The following ZEB2 variants were observed in gnomAD, a reference collection of about 807,000 sequenced individuals.
The protein encoded by ZEB2 is zinc finger E-box binding homeobox 2, also known as zinc finger E-box-binding homeobox 2.
In ZEB2, 6 loss-of-function variants were observed where a neutral mutation model predicts 99.9. The ratio of observed to expected loss-of-function variants is 0.06; its 90% CI spans 0.03 to 0.12. ZEB2 has a LOEUF of 0.12. ZEB2 is among the 10% of genes least tolerant of loss of function. The probability of loss-of-function intolerance (pLI) is 1.00; values close to 1 mark genes in which losing one functional copy is unlikely to be tolerated. For missense variants in ZEB2, 969 were observed against 1,502.8 expected, an observed-to-expected ratio of 0.64 and a Z score of 5.87; for synonymous variants, 517 against 542.5, an observed-to-expected ratio of 0.95 and a Z score of 0.65.
intron 4 of ZEB2, among the ~76,000 whole-genome samples, chr2:144,411,067 A>C (rs1703454553): frequency 1.0e-5 from 1 of 98,954 alleles, no homozygotes; most frequent in Non-Finnish European, 2.1e-5. Context: ...CTATATATAT[A>C]TATATATATA....
intron 5 of ZEB2, 143 bp downstream of exon 5, chr2:144,404,693 C>T: frequency 1.8e-6 from 2 of 1,116,720 alleles, no homozygotes; most frequent in Non-Finnish European, 1.2e-6. Context: ...CCTAAAATTA[C>T]AGTTCTAATC....
At chr2:144,467,399 C>G (rs1384986701) in intron 2 of ZEB2, among the ~76,000 whole-genome samples, 1 of 152,082 alleles carries the variant, frequency 6.6e-6, no homozygotes, top group African/African-American at 2.4e-5. Flanking sequence ...TCACTTATAG[C>G]AATGATTCTT....
chr2:144,397,518 TAAG>T (rs1703245120), intron 8 of ZEB2, among the ~76,000 whole-genome samples: 1 of 152,236 alleles, frequency 6.6e-6, no homozygotes, highest in African/African-American at 2.4e-5. Flanking sequence ...GAAGATTTGG[TAAG>T]AAGTCATGTG....
At chr2:144,433,322 A>C (rs1703797646) in intron 2 of ZEB2, among the ~76,000 whole-genome samples, 5 of 152,200 alleles carry the variant, frequency 3.3e-5, no homozygotes. Flanking sequence ...ATTCTGTGTA[A>C]CAGTTGCATT....
rs929724137 is a variant in ZEB2, at chr2:144,512,095, T to A, written c.73+5183A>T. 3 of 1,287,066 alleles carry A rather than the reference T, an allele frequency of 2.3e-6. No homozygotes were observed. The African/African-American group carries it at 4.6e-5, about 20-fold the overall frequency. The allele number at this position is 1,287,066 out of a possible 1,614,324, so 79.7% of individuals were successfully genotyped here. A position where few individuals can be genotyped will look rare whatever the true frequency, so the allele number is the denominator to read the frequency against. ...GGGAATGCGGGAATGAATGGTACAG[T>A]GGACACCCCAGCACCATTGACGTTA... On this transcript the variant is annotated intron_variant, in intron 2 of 9. Coordinates refer to ENST00000627532, the MANE Select transcript of ZEB2 (RefSeq NM_014795.4).
At chr2:144,400,444 C>T (rs926256714) in intron 7 of ZEB2, 174 bp from the exon 8 acceptor site, 11 of 719,662 alleles carry the variant, frequency 1.5e-5, no homozygotes, top group Non-Finnish European at 2.5e-5. Context: ...CTTTATCTGC[C>T]CTGGGAGGAC....
Position 144,389,289 on chromosome 2 carries a change from A to C in ZEB2, c.*162T>G. On this transcript the variant is annotated 3_prime_UTR_variant, in exon 10 of 10. Transcript: ENST00000627532. This position sits in a 1 kb window ranked among gnomAD's most constrained non-coding sequence, Gnocchi z 6.8. ...CAGTTTTTAACAATACCCAGCTCCA[A>C]CTCCGTCTACATCTGTCTTGGCTGA... 1.2e-6 allele frequency: 1 copy of C among 832,402 alleles called. No individual in the cohort carries two copies. The highest frequency in any genetic ancestry group is 2.4e-4 in the Middle Eastern group (1 of 4,086). 51.6% of individuals were successfully genotyped at this position (832,402 alleles called of 1,614,324 possible).
intron 2 of ZEB2, among the ~76,000 whole-genome samples, chr2:144,449,224 G>A (rs574346243): frequency 6.6e-6 from 1 of 152,340 alleles, no homozygotes; most frequent in South Asian, 2.1e-4. Context: ...CCTCAGAAGG[G>A]AGCAGGCGGG....
intron 4 of ZEB2, among the ~76,000 whole-genome samples, chr2:144,407,896 G>T (rs1426623763): frequency 6.6e-6 from 1 of 152,112 alleles, no homozygotes; most frequent in African/African-American, 2.4e-5. Context: ...GAATGATCTG[G>T]CTATCTTTGC....
chr2:144,484,903 T>C (rs2149916110), intron 2 of ZEB2, among the ~76,000 whole-genome samples: 1 of 150,494 alleles, frequency 6.6e-6, no homozygotes, highest in South Asian at 2.1e-4. Flanking sequence ...GAACGTGGAG[T>C]TCAGAACATG....
intron 3 of ZEB2, chr2:144,428,988 G>C (rs749760791): frequency 3.9e-5 from 6 of 152,190 alleles, no homozygotes; most frequent in Non-Finnish European, 5.9e-5. Context: ...GATGAGCAGA[G>C]AAAGTTCACA....
chr2:144,510,578 A>C (rs1560656283), intron 2 of ZEB2, among the ~76,000 whole-genome samples: 1 of 152,158 alleles, frequency 6.6e-6, no homozygotes, highest in Admixed American at 6.5e-5. Context: ...TATGCCTGTC[A>C]GGAGGGACAG....
chr2:144,496,406 C>A (rs1704758687), intron 2 of ZEB2: 1 of 152,238 alleles, frequency 6.6e-6, no homozygotes, highest in East Asian at 1.9e-4. Flanking sequence ...GATCAACAAC[C>A]ATTTTTTATT....
chr2:144,400,889 G>A (rs1703301164), intron 7 of ZEB2, among the ~76,000 whole-genome samples: 1 of 152,122 alleles, frequency 6.6e-6, no homozygotes, highest in African/African-American at 2.4e-5. Context: ...TGCCAGTTGA[G>A]TTTCCTCAGG....
intron 4 of ZEB2, among the ~76,000 whole-genome samples, chr2:144,412,660 C>T (rs1560613167): frequency 6.6e-6 from 1 of 152,306 alleles, no homozygotes; most frequent in East Asian, 1.9e-4. Flanking sequence ...TCCTCTGCCT[C>T]GCATGGCTAA....
At chr2:144,468,592 C>T (rs183179648) in intron 2 of ZEB2, among the ~76,000 whole-genome samples, 12 of 152,068 alleles carry the variant, frequency 7.9e-5, no homozygotes, top group African/African-American at 2.9e-4. Flanking sequence ...GGTGGACAGT[C>T]GAATTCCAAC....
chr2:144,451,361 C>T (rs904114695), intron 2 of ZEB2, among the ~76,000 whole-genome samples: 8 of 152,110 alleles, frequency 5.3e-5, no homozygotes, highest in South Asian at 2.1e-4. Context: ...ACTGTTTTTT[C>T]GGTATAAATG....
At chr2:144,435,981 A>G (rs1415655898) in intron 2 of ZEB2, among the ~76,000 whole-genome samples, 5 of 151,858 alleles carry the variant, frequency 3.3e-5, no homozygotes, top group Non-Finnish European at 7.4e-5. Flanking sequence ...TGGGTGGGTA[A>G]AGATCATAGG....
At chr2:144,409,913 GT>G (rs530632750) in intron 4 of ZEB2, among the ~76,000 whole-genome samples, 1,639 of 133,362 alleles carry the variant, frequency 0.012, 7 homozygotes, top group Non-Finnish European at 0.018. Context: ...AAAAGTTGTT[GT>G]TTTTTTTTTT....
Sources: gnomAD v4.1 joint callset for allele counts (sites outside exome capture counted in the v4.1 genomes callset) on GRCh38, gnomAD v4.1.1 for gene constraint, Gnocchi (gnomAD v3.1) non-coding constraint, MANE v1.5 for transcripts, NCBI Gene and HGNC (gene_info 2026-07-23, HGNC 2026-07-21) for gene names.